Variants in MFGE8 observed in about 807,000 individuals in gnomAD.
MFGE8 encodes the protein lactadherin.
A neutral mutation model predicts 42.6 loss-of-function variants in MFGE8; 34 were observed. The ratio of observed to expected loss-of-function variants is 0.80; its 90% CI spans 0.61 to 1.06. The LOEUF (loss-of-function observed/expected upper bound fraction) is 1.06. Ranked by LOEUF, MFGE8 falls within the 50% of genes least tolerant of loss-of-function variation. The pLI is 0.00. For synonymous variants in MFGE8, 230 were observed against 214.8 expected, an observed-to-expected ratio of 1.07 and a Z score of -0.62; for missense variants, 510 against 516.9, an observed-to-expected ratio of 0.99 and a Z score of 0.13.
rs903757723 is a variant in MFGE8, at chr15:88,901,083, A to T, written c.870+468T>A. 1.2e-4 allele frequency among the ~76,000 whole-genome samples: 8 copies of T among 68,742 alleles called. 1 individual carries two copies. The highest frequency in any genetic ancestry group is 3.2e-4 in the African/African-American group (8 of 24,682). The allele number at this position is 68,742 out of a possible 152,430, so 45.1% of individuals were successfully genotyped here. A position where few individuals can be genotyped will look rare whatever the true frequency, so the allele number is the denominator to read the frequency against. On this transcript the variant is annotated intron_variant, in intron 6 of 7. Coordinates refer to ENST00000268150, the MANE Select transcript of MFGE8 (RefSeq NM_005928.4). ...CATTCACATACACATTCACATACAC[A>T]TTCACACACATTCACAAATACACAT...
In MFGE8 at chr15:88,906,901, G is replaced by T; in HGVS notation, c.388-123C>A. On this transcript the variant is annotated intron_variant, in intron 3 of 7. Coordinates refer to ENST00000268150, the MANE Select transcript of MFGE8 (RefSeq NM_005928.4). The surrounding 1 kb of genome is among the most constrained non-coding windows in gnomAD (Gnocchi z 4.2). ...GAACAACTCAAGCAAAACAGAGGAG[G>T]GGTAGCTGAGCACACTGCCCGCACA... 1 of 1,248,690 alleles carries T rather than the reference G, an allele frequency of 8.0e-7. No individual in the cohort carries two copies. The highest frequency in any genetic ancestry group is 1.2e-6 in the Non-Finnish European group (1 of 867,574). 77.4% of individuals were successfully genotyped at this position (1,248,690 alleles called of 1,614,324 possible).
rs745548646 is a variant in MFGE8, at chr15:88,911,462, C to T, written c.74-1539G>A. ...CCTTGGCCGGGCATGGTGGCTCACA[C>T]CTGTAATCCCAGCACTTTGGGAGGC... is the stretch of plus-strand genomic sequence containing the variant. On this transcript the variant is annotated intron_variant, in intron 1 of 7. Coordinates refer to ENST00000268150, the MANE Select transcript of MFGE8 (RefSeq NM_005928.4). 1.1e-4 allele frequency among the ~76,000 whole-genome samples: 17 copies of T among 152,330 alleles called. No homozygotes were observed. The South Asian group carries it at 1.2e-3, about 11-fold the overall frequency.
In MFGE8 at chr15:88,906,271, G is replaced by T. The variant is rs369252613; in HGVS notation, c.540+355C>A. On this transcript the variant is annotated intron_variant, in intron 4 of 7. Coordinates refer to ENST00000268150, the MANE Select transcript of MFGE8 (RefSeq NM_005928.4). The surrounding 1 kb of genome is among the most constrained non-coding windows in gnomAD (Gnocchi z 4.2). ...CACAAATGTACAATGCCTGTACTGT[G>T]AATGGTGCCTGCTTAGCAATGACAT... 5.5e-5 allele frequency: 25 copies of T among 451,786 alleles called. No homozygotes were observed. The East Asian group carries it at 1.1e-3, about 20-fold the overall frequency. The allele number at this position is 451,786 out of a possible 1,614,324, so 28.0% of individuals were successfully genotyped here.
At chr15:88,901,897 C>A in intron 5 of MFGE8, 162 bp from the exon 6 acceptor site, 2 of 708,506 alleles carry the variant, frequency 2.8e-6, no homozygotes, top group South Asian at 3.2e-5. Flanking sequence ...GCCAACTGTG[C>A]GACCTTCTCA....
chr15:88,899,688 C>CA lies in MFGE8; in HGVS notation c.993dup (p.Glu332Ter). The CA allele has an allele frequency of 6.2e-7, 1 of 1,614,214 alleles. No homozygotes were observed. The highest frequency in any genetic ancestry group is 8.5e-7 in the Non-Finnish European group (1 of 1,180,044). On this transcript the variant is annotated frameshift_variant, in exon 7 of 8. Coordinates refer to ENST00000268150, the MANE Select transcript of MFGE8 (RefSeq NM_005928.4). LOFTEE classifies it low-confidence loss of function (END_TRUNC). This position sits in a 1 kb window ranked among gnomAD's most constrained non-coding sequence, Gnocchi z 6.8. ...CTGCCAGTCCTGGGGTCCTGGTACT[C>CA]AGTCCAGTTCGCACTGTCATTACTG...
rs757073818 is a variant in MFGE8 at position 88,906,666 on chromosome 15, TGTC to T, written c.497_499del (p.Gly166_His167delinsAsp). 3 of 1,612,478 alleles carry T rather than the reference TGTC, an allele frequency of 1.9e-6. No homozygotes were observed. The highest frequency in any genetic ancestry group is 2.5e-6 in the Non-Finnish European group (3 of 1,178,652). On this transcript the variant is annotated inframe_deletion, in exon 4 of 8. Transcript: ENST00000268150. This position sits in a 1 kb window ranked among gnomAD's most constrained non-coding sequence, Gnocchi z 4.2. The stretch of plus-strand genomic sequence containing the variant: ...AACATCATGGATGAAATCGAATTCG[TGTC>T]CATTAAGGCTGTAGGCCACCTTGAA...
In MFGE8 at chr15:88,906,898, G is replaced by C; in HGVS notation, c.388-120C>G. On this transcript the variant is annotated intron_variant, in intron 3 of 7. Transcript: ENST00000268150. This position sits in a 1 kb window ranked among gnomAD's most constrained non-coding sequence, Gnocchi z 4.2. ...GGGGAACAACTCAAGCAAAACAGAG[G>C]AGGGGTAGCTGAGCACACTGCCCGC... 1 of 1,293,650 alleles carries C rather than the reference G, an allele frequency of 7.7e-7. No individual in the cohort carries two copies. The highest frequency in any genetic ancestry group is 1.1e-6 in the Non-Finnish European group (1 of 905,598). 80.1% of individuals were successfully genotyped at this position (1,293,650 alleles called of 1,614,324 possible). A position where few individuals can be genotyped will look rare whatever the true frequency, so the allele number is the denominator to read the frequency against.
chr15:88,901,523 G>T, intron 6 of MFGE8, 28 bp downstream of exon 6: 3 of 852,196 alleles, frequency 3.5e-6, no homozygotes, highest in Non-Finnish European at 5.6e-6. Context: ...CCCAACCCCA[G>T]CCCCATATCC....
chr15:88,906,896 A>G lies in MFGE8; in HGVS notation c.388-118T>C. The G allele has an allele frequency of 1.5e-6, 2 of 1,299,046 alleles. No homozygotes were observed. The highest frequency in any genetic ancestry group is 2.2e-6 in the Non-Finnish European group (2 of 910,052). 80.5% of individuals were successfully genotyped at this position (1,299,046 alleles called of 1,614,324 possible). On this transcript the variant is annotated intron_variant, in intron 3 of 7. Coordinates refer to ENST00000268150, the MANE Select transcript of MFGE8 (RefSeq NM_005928.4). The surrounding 1 kb of genome is among the most constrained non-coding windows in gnomAD (Gnocchi z 4.2). ...TGGGGGAACAACTCAAGCAAAACAG[A>G]GGAGGGGTAGCTGAGCACACTGCCC...
At chr15:88,904,324 C>A (rs966805007) in intron 5 of MFGE8, 5 of 152,302 alleles carry the variant, frequency 3.3e-5, no homozygotes, top group Non-Finnish European at 2.9e-5. Context: ...TCCCAGGTAC[C>A]CCCAGACCTC....
Position 88,901,747 on chromosome 15 carries a change from G to T in MFGE8, c.686-12C>A, listed in dbSNP as rs1301725497. Reference sequence around the variant, plus strand: ...GGGATTGGCGCATCCTGCCAGCAAGGTGGGCTGTCATCTGGATCTGGGATC... The same window carrying T: ...GGGATTGGCGCATCCTGCCAGCAAGTTGGGCTGTCATCTGGATCTGGGATC... On this transcript the variant is annotated splice_polypyrimidine_tract_variant and intron_variant, in intron 5 of 7. Transcript: ENST00000268150. 1 of 1,613,900 alleles carries T rather than the reference G, an allele frequency of 6.2e-7. No individual in the cohort carries two copies. The highest frequency in any genetic ancestry group is 8.5e-7 in the Non-Finnish European group (1 of 1,179,958).
rs768091098 is a variant in MFGE8, at chr15:88,909,745, C to T, written c.205+47G>A. 11 of 1,612,388 alleles carry T rather than the reference C, an allele frequency of 6.8e-6. No homozygotes were observed. The Admixed American group carries it at 1.7e-4, about 24-fold the overall frequency. On this transcript the variant is annotated intron_variant, in intron 2 of 7. Transcript: ENST00000268150. ...GGCCTATGCCACCAGGGCTGTGGCT[C>T]AGGGTCTACTGCTAGAAACAGGCAA...
intron 6 of MFGE8, 39 bp downstream of exon 6, chr15:88,901,512 A>ACCCAACCCCCCCCC: frequency 1.5e-6 from 1 of 667,128 alleles, no homozygotes; most frequent in Non-Finnish European, 2.7e-6. Flanking sequence ...ACCTCATCCC[A>ACCCAACCCCCCCCC]CCCAACCCCA....
intron 1 of MFGE8, chr15:88,912,516 G>A: frequency 1.0e-6 from 1 of 985,388 alleles, no homozygotes. Flanking sequence ...GCGCTCCACG[G>A]TGAATGGCAC....
At chr15:88,901,838 C>G in intron 5 of MFGE8, 103 bp from the exon 6 acceptor site, 1 of 1,137,440 alleles carries the variant, frequency 8.8e-7, no homozygotes, top group South Asian at 1.3e-5. Flanking sequence ...CCTGACCAGC[C>G]CCTGTCATGC....
Position 88,903,453 on chromosome 15 carries a change from G to A in MFGE8, c.686-1718C>T, listed in dbSNP as rs1341512101. On this transcript the variant is annotated intron_variant, in intron 5 of 7. Coordinates refer to ENST00000268150, the MANE Select transcript of MFGE8 (RefSeq NM_005928.4). The surrounding 1 kb of genome is among the most constrained non-coding windows in gnomAD (Gnocchi z 4.9). ...CTTATGTTTCAGCAAGTCTAGGCTG[G>A]GGCTTTCAGTCTGTATTTCTTTTTT... 1.3e-5 allele frequency: 2 copies of A among 151,472 alleles called. No individual in the cohort carries two copies. Among genetic ancestry groups the A allele is most frequent in the Admixed American group, 6.6e-5 (1 of 15,214 alleles). 9.4% of individuals were successfully genotyped at this position (151,472 alleles called of 1,614,324 possible).
chr15:88,899,378 G>C lies in MFGE8; in HGVS notation c.*17C>G, dbSNP rs768455675. ...GGCCCATGGAAAGCAGGAAGACCTG[G>C]GGGTGGCAGGTGGCCACTAACAGCC... On this transcript the variant is annotated 3_prime_UTR_variant, in exon 8 of 8. Coordinates refer to ENST00000268150, the MANE Select transcript of MFGE8 (RefSeq NM_005928.4). The surrounding 1 kb of genome is among the most constrained non-coding windows in gnomAD (Gnocchi z 6.8). 1.9e-5 allele frequency: 30 copies of C among 1,613,810 alleles called. No individual in the cohort carries two copies. The highest frequency in any genetic ancestry group is 2.5e-5 in the Non-Finnish European group (29 of 1,179,936).
At chr15:88,907,438 C>A in intron 2 of MFGE8, 62 bp from the exon 3 acceptor site, 1 of 1,481,682 alleles carries the variant, frequency 6.7e-7, no homozygotes, top group East Asian at 2.3e-5. Flanking sequence ...CCAGCTGGGA[C>A]CCAGCGGACA....
Position 88,899,703 on chromosome 15 carries a change from T to C in MFGE8, c.979A>G (p.Ser327Gly), listed in dbSNP as rs760694811. 1 of 1,614,188 alleles carries C rather than the reference T, an allele frequency of 6.2e-7. No homozygotes were observed. Among genetic ancestry groups the C allele is most frequent in the Admixed American group, 1.7e-5 (1 of 60,026 alleles). ...TCCTGGTACTCAGTCCAGTTCGCAC[T>C]GTCATTACTGTAGGCAACCTTGTAG... ...ASYKVAYSND[S>G]ANWTEYQDPR... The change falls in exon 7 of 8, where the codon AGT (serine) becomes GGT (glycine). Residue 327 changes from serine (S) to glycine (G), a missense_variant. Ser to Gly is a moderately conservative substitution (Grantham distance 56). Coordinates refer to ENST00000268150, the MANE Select transcript of MFGE8 (RefSeq NM_005928.4). The surrounding 1 kb of genome is among the most constrained non-coding windows in gnomAD (Gnocchi z 6.8).
Sources: allele counts gnomAD v4.1 joint callset (sites outside exome capture counted in the v4.1 genomes callset), GRCh38; gene constraint gnomAD v4.1.1; non-coding constraint Gnocchi (gnomAD v3.1); transcripts MANE v1.5; gene names NCBI Gene and HGNC (gene_info 2026-07-23, HGNC 2026-07-21).